Variants in CADPS2 observed in about 807,000 individuals in gnomAD.
CADPS2 encodes calcium-dependent secretion activator 2.
Under a neutral mutation model 172.5 loss-of-function variants are expected in CADPS2, and 93 were observed. The ratio of observed to expected loss-of-function variants is 0.54; its 90% CI spans 0.46 to 0.64. The LOEUF (loss-of-function observed/expected upper bound fraction) is 0.64, where lower values mean the gene tolerates loss of function less well. Among genes scored for constraint, CADPS2 ranks in the 30% least tolerant of loss-of-function variants. The pLI is 0.00. For missense variants in CADPS2, 1,420 were observed against 1,565.9 expected, an observed-to-expected ratio of 0.91 and a Z score of 1.57; for synonymous variants, 546 against 555.2, an observed-to-expected ratio of 0.98 and a Z score of 0.23.
At chr7:122,485,353 A>C (rs938819637) in intron 11 of CADPS2, among the ~76,000 whole-genome samples, 3 of 152,234 alleles carry the variant, frequency 2.0e-5, no homozygotes, top group Admixed American at 2.0e-4. Context: ...CAGTAAATTA[A>C]AGTTGCTACT....
intron 15 of CADPS2, among the ~76,000 whole-genome samples, chr7:122,446,005 T>C (rs6962249): frequency 0.42 from 63,283 of 152,010 alleles, 13,443 homozygotes; most frequent in African/African-American, 0.48. Context: ...AGACCATTTG[T>C]GACAATTTTG....
chr7:122,856,218 C>T (rs1815161760), intron 1 of CADPS2, among the ~76,000 whole-genome samples: 1 of 152,182 alleles, frequency 6.6e-6, no homozygotes, highest in African/African-American at 2.4e-5. Flanking sequence ...GTTTAAGTTA[C>T]TATTAGACAT....
At chr7:122,659,715 G>A (rs2080297914) in intron 3 of CADPS2, among the ~76,000 whole-genome samples, 1 of 151,874 alleles carries the variant, frequency 6.6e-6, no homozygotes, top group South Asian at 2.1e-4. Context: ...TATTCGAATT[G>A]CAGAAAAATG....
intron 3 of CADPS2, among the ~76,000 whole-genome samples, 195 bp from the exon 4 acceptor site, chr7:122,629,523 G>T (rs1194746889): frequency 6.6e-6 from 1 of 151,904 alleles, no homozygotes; most frequent in Non-Finnish European, 1.5e-5. Flanking sequence ...AAATTTCTTG[G>T]GTACTTTCTC....
chr7:122,681,236 A>G, intron 2 of CADPS2: 1 of 708,232 alleles, frequency 1.4e-6, no homozygotes, highest in Non-Finnish European at 2.5e-6. Context: ...TATGTAATGA[A>G]CCTGCACAAT....
chr7:122,500,762 T>C (rs748873405), intron 9 of CADPS2, among the ~76,000 whole-genome samples: 12 of 152,194 alleles, frequency 7.9e-5, no homozygotes, highest in African/African-American at 1.2e-4. Flanking sequence ...AGGGAGTTAT[T>C]ATTCCCATTA....
intron 28 of CADPS2, chr7:122,331,982 GAA>G (rs2035027019): frequency 2.0e-5 from 3 of 152,156 alleles, no homozygotes; most frequent in Admixed American, 2.0e-4. Flanking sequence ...AGAAAACTAG[GAA>G]AAGTGTCATT....
intron 7 of CADPS2, among the ~76,000 whole-genome samples, chr7:122,565,509 A>C (rs984571500): frequency 1.3e-5 from 2 of 152,288 alleles, no homozygotes; most frequent in African/African-American, 4.8e-5. Flanking sequence ...CAATACCAGA[A>C]TTAATGTCTT....
intron 20 of CADPS2, among the ~76,000 whole-genome samples, chr7:122,399,507 T>C (rs1397666690): frequency 6.6e-6 from 1 of 152,072 alleles, no homozygotes; most frequent in Non-Finnish European, 1.5e-5. Flanking sequence ...TGAAATTATG[T>C]AATATTAAAG....
At chr7:122,529,107 A>G (rs2061533354) in intron 8 of CADPS2, among the ~76,000 whole-genome samples, 1 of 152,194 alleles carries the variant, frequency 6.6e-6, no homozygotes, top group South Asian at 2.1e-4. Context: ...CAAGAATTAC[A>G]ATGCCATGTC....
At chr7:122,824,271 C>G (rs1475973453) in intron 1 of CADPS2, among the ~76,000 whole-genome samples, 2 of 152,202 alleles carry the variant, frequency 1.3e-5, no homozygotes, top group African/African-American at 2.4e-5. Flanking sequence ...GGATAAGGAT[C>G]TTGTGCAAGG....
intron 3 of CADPS2, among the ~76,000 whole-genome samples, chr7:122,642,420 C>T (rs1233956070): frequency 2.6e-5 from 4 of 152,074 alleles, no homozygotes; most frequent in African/African-American, 9.7e-5. Context: ...GGAAGGTCTT[C>T]GAGATCAGCA....
At chr7:122,449,891 C>A (rs1440306289) in intron 15 of CADPS2, among the ~76,000 whole-genome samples, 1 of 152,096 alleles carries the variant, frequency 6.6e-6, no homozygotes, top group African/African-American at 2.4e-5. Context: ...GTTATCATGA[C>A]AATGAAAATC....
chr7:122,329,372 G>A (rs2034510574), intron 28 of CADPS2, among the ~76,000 whole-genome samples: 1 of 152,226 alleles, frequency 6.6e-6, no homozygotes, highest in South Asian at 2.1e-4. Flanking sequence ...TGAGCCGGGC[G>A]GGATCCACGC....
intron 9 of CADPS2, among the ~76,000 whole-genome samples, chr7:122,510,515 C>T (rs1470983354): frequency 1.3e-5 from 2 of 152,142 alleles, no homozygotes; most frequent in African/African-American, 2.4e-5. Flanking sequence ...GCTGGCCAAA[C>T]CTTACTCTCA....
intron 6 of CADPS2, among the ~76,000 whole-genome samples, chr7:122,595,049 A>G (rs2071534320): frequency 6.6e-6 from 1 of 151,890 alleles, no homozygotes; most frequent in African/African-American, 2.4e-5. Context: ...AAATTTACCA[A>G]TATGTTATGT....
intron 23 of CADPS2, among the ~76,000 whole-genome samples, chr7:122,388,209 C>T (rs1585514586): frequency 6.6e-6 from 1 of 152,136 alleles, no homozygotes; most frequent in Non-Finnish European, 1.5e-5. Flanking sequence ...TGCCATTTCA[C>T]AGCACACAGA....
At chr7:122,435,153 C>T (rs949174468) in intron 17 of CADPS2, among the ~76,000 whole-genome samples, 33 of 152,006 alleles carry the variant, frequency 2.2e-4, no homozygotes, top group Non-Finnish European at 2.9e-5. Context: ...AAAAAGAGAG[C>T]TATTCATCAA....
At chr7:122,805,684 A>G (rs1336255382) in intron 1 of CADPS2, among the ~76,000 whole-genome samples, 2 of 152,208 alleles carry the variant, frequency 1.3e-5, no homozygotes, top group Non-Finnish European at 2.9e-5. Flanking sequence ...AGGAGAAGCC[A>G]CAGCAGAGGG....
Sources: gnomAD v4.1 joint callset for allele counts (sites outside exome capture counted in the v4.1 genomes callset) on GRCh38, gnomAD v4.1.1 for gene constraint, MANE v1.5 for transcripts, NCBI Gene and HGNC (gene_info 2026-07-23, HGNC 2026-07-21) for gene names.